IQCJ: variants seen among roughly 807,000 people sequenced by gnomAD.
The protein encoded by IQCJ is IQ domain-containing protein J.
Under a neutral mutation model 11.0 loss-of-function variants are expected in IQCJ, and 9 were observed. The observed-to-expected ratio is 0.82, with a 90% CI of 0.49 to 1.43. IQCJ has a LOEUF of 1.43. Ranked by LOEUF, IQCJ falls within the 40% of genes most tolerant of loss-of-function variation. The pLI, the probability that IQCJ is intolerant of heterozygous loss-of-function variation, is 0.00. For missense variants in IQCJ, 146 were observed against 133.2 expected, an observed-to-expected ratio of 1.10 and a Z score of -0.47; for synonymous variants, 55 against 51.3, an observed-to-expected ratio of 1.07 and a Z score of -0.31.
chr3:159,102,689 A>T (rs1311939206), intron 1 of IQCJ, among the ~76,000 whole-genome samples: 1 of 152,214 alleles, frequency 6.6e-6, no homozygotes, highest in Non-Finnish European at 1.5e-5. Context: ...GTTAGCTTTG[A>T]TAGGAGATGT....
intron 1 of IQCJ, among the ~76,000 whole-genome samples, chr3:159,224,354 T>C (rs548257220): frequency 6.6e-6 from 1 of 152,288 alleles, no homozygotes. Flanking sequence ...CCTAGTGATG[T>C]TAAAAAGAGA....
In IQCJ at chr3:159,119,805, T is replaced by G. The variant is rs137950837; in HGVS notation, c.9+50364T>G. On this transcript the variant is annotated intron_variant, in intron 1 of 3. Coordinates refer to ENST00000397832, the MANE Select transcript of IQCJ (RefSeq NM_001042706.3). ...CCCATGTATCCCCATTCCGTATGGG[T>G]TGGGGAAGAGATGAGTGGGGCTTTG... Among the ~76,000 whole-genome samples, 701 of 152,232 alleles carry G rather than the reference T, an allele frequency of 4.6e-3. 3 individuals are homozygous for G. Among genetic ancestry groups the G allele is most frequent in the Admixed American group, 6.6e-3 (101 of 15,292 alleles).
intron 1 of IQCJ, among the ~76,000 whole-genome samples, chr3:159,174,062 C>T (rs909076664): frequency 3.3e-5 from 5 of 152,062 alleles, no homozygotes; most frequent in African/African-American, 1.2e-4. Context: ...TATCTCATAA[C>T]ATTTATGTTC....
chr3:159,184,462 G>C (rs1254776664), intron 1 of IQCJ, among the ~76,000 whole-genome samples: 1 of 152,122 alleles, frequency 6.6e-6, no homozygotes, highest in Non-Finnish European at 1.5e-5. Context: ...TTGCTTGTCT[G>C]TTTATTGTCT....
chr3:159,087,880 C>T (rs1313114691), intron 1 of IQCJ, among the ~76,000 whole-genome samples: 14 of 149,730 alleles, frequency 9.4e-5, no homozygotes, highest in Non-Finnish European at 1.5e-4. Context: ...CTCCTGGATT[C>T]ATTAATTTTT....
chr3:159,203,194 GT>G (rs1402247467), intron 1 of IQCJ, among the ~76,000 whole-genome samples: 1 of 147,834 alleles, frequency 6.8e-6, no homozygotes, highest in Non-Finnish European at 1.5e-5. Flanking sequence ...TAGGGAGGGA[GT>G]TTTCCCTTTT....
chr3:159,115,125 A>G (rs1718889922), intron 1 of IQCJ, among the ~76,000 whole-genome samples: 1 of 152,218 alleles, frequency 6.6e-6, no homozygotes, highest in African/African-American at 2.4e-5. Context: ...TTTGAGTAGG[A>G]AAGTTGCTTG....
chr3:159,153,237 A>T (rs1228805488), intron 1 of IQCJ, among the ~76,000 whole-genome samples: 4 of 152,228 alleles, frequency 2.6e-5, no homozygotes, highest in Admixed American at 6.5e-5. Flanking sequence ...TTTACCATAC[A>T]TCCTTACAAT....
At chr3:159,244,475 C>A (rs1727127965) in intron 1 of IQCJ, among the ~76,000 whole-genome samples, 1 of 152,124 alleles carries the variant, frequency 6.6e-6, no homozygotes, top group South Asian at 2.1e-4. Context: ...ACTCAGCCAA[C>A]TTTTTCATCT....
intron 1 of IQCJ, among the ~76,000 whole-genome samples, chr3:159,095,032 G>T (rs908004527): frequency 6.6e-6 from 1 of 151,764 alleles, no homozygotes; most frequent in Non-Finnish European, 1.5e-5. Context: ...GCAACCCAAG[G>T]ATTAGTTCTT....
At chr3:159,235,900 A>G (rs1347104567) in intron 1 of IQCJ, among the ~76,000 whole-genome samples, 8 of 152,216 alleles carry the variant, frequency 5.3e-5, no homozygotes, top group African/African-American at 1.7e-4. Flanking sequence ...TTTACAATGT[A>G]GAAGGCAGCT....
At chr3:159,239,442 T>C (rs1577105761) in intron 1 of IQCJ, among the ~76,000 whole-genome samples, 2 of 152,222 alleles carry the variant, frequency 1.3e-5, no homozygotes, top group East Asian at 3.9e-4. Flanking sequence ...TGCTTTTCTT[T>C]ATGCCCCCTA....
At chr3:159,147,114 T>A (rs191632743) in intron 1 of IQCJ, among the ~76,000 whole-genome samples, 35 of 152,338 alleles carry the variant, frequency 2.3e-4, no homozygotes, top group African/African-American at 8.4e-4. Flanking sequence ...AATATGCCAA[T>A]GTAGAATTTA....
At chr3:159,071,502 A>C (rs1017781273) in intron 1 of IQCJ, among the ~76,000 whole-genome samples, 1 of 152,092 alleles carries the variant, frequency 6.6e-6, no homozygotes, top group African/African-American at 2.4e-5. Context: ...CGTGCTATAT[A>C]TGCATAAATA....
chr3:159,257,967 G>C (rs1305489106), intron 3 of IQCJ, among the ~76,000 whole-genome samples: 4 of 152,170 alleles, frequency 2.6e-5, no homozygotes, highest in Non-Finnish European at 4.4e-5. Flanking sequence ...AGGACTGTTT[G>C]GTTGTAAGTA....
chr3:159,197,417 C>T (rs1206054670), intron 1 of IQCJ, among the ~76,000 whole-genome samples: 2 of 152,162 alleles, frequency 1.3e-5, no homozygotes, highest in Non-Finnish European at 2.9e-5. Flanking sequence ...TTCTCTCCTC[C>T]CTTCAATCTG....
At chr3:159,215,624 A>G (rs1343540637) in intron 1 of IQCJ, among the ~76,000 whole-genome samples, 2 of 152,194 alleles carry the variant, frequency 1.3e-5, no homozygotes, top group East Asian at 3.9e-4. Context: ...GGTAAAATGA[A>G]CTTCCATAGT....
chr3:159,173,544 T>G lies in IQCJ; in HGVS notation c.10-72299T>G, dbSNP rs28649374. Among the ~76,000 whole-genome samples, 676 of 152,350 alleles carry G rather than the reference T, an allele frequency of 4.4e-3. 4 individuals are homozygous for G. Among genetic ancestry groups the G allele is most frequent in the African/African-American group, 0.015 (636 of 41,586 alleles). On this transcript the variant is annotated intron_variant, in intron 1 of 3. Transcript: ENST00000397832. Reference sequence around the variant, plus strand: ...AATTTCTCTTCTTGCCAAAGATATCTGTGGATATTAATTCTCTTATGCACC... The same window carrying G: ...AATTTCTCTTCTTGCCAAAGATATCGGTGGATATTAATTCTCTTATGCACC...
chr3:159,216,271 G>A (rs1725229607), intron 1 of IQCJ, among the ~76,000 whole-genome samples: 1 of 151,960 alleles, frequency 6.6e-6, no homozygotes, highest in Non-Finnish European at 1.5e-5. Context: ...TTTTTAAATT[G>A]TCTGTCAACC....
Sources: gnomAD v4.1 joint callset for allele counts (sites outside exome capture counted in the v4.1 genomes callset) on GRCh38, gnomAD v4.1.1 for gene constraint, MANE v1.5 for transcripts, NCBI Gene and HGNC (gene_info 2026-07-23, HGNC 2026-07-21) for gene names.